PMS1: variants seen among roughly 807,000 people sequenced by gnomAD.
The protein encoded by PMS1 is PMS1 protein homolog 1.
Under a neutral mutation model 93.1 loss-of-function variants are expected in PMS1, and 79 were observed. The observed-to-expected ratio is 0.85, with a 90% CI of 0.71 to 1.02. The LOEUF is 1.02. Among genes scored for constraint, PMS1 ranks in the 50% least tolerant of loss-of-function variants. The pLI is 0.00. For synonymous variants in PMS1, 335 were observed against 363.4 expected (o/e 0.92, Z 0.89); for missense variants, 1,064 against 1,085.3 (o/e 0.98, Z 0.28).
chr2:189,798,756 G>GTTTTTTTTTTTTTTTT (rs2049587934), intron 3 of PMS1, among the ~76,000 whole-genome samples: 2 of 125,236 alleles, frequency 1.6e-5, no homozygotes, highest in African/African-American at 6.2e-5. Context: ...ATAAGTATTT[G>GTTTTTTTTTTTTTTTT]ATTTTTTTTT....
chr2:189,849,512 A>G (rs256576), intron 6 of PMS1, among the ~76,000 whole-genome samples: 11,943 of 152,050 alleles, frequency 0.079, 798 homozygotes, highest in African/African-American at 0.18. Context: ...AGTCCTTTTC[A>G]TATTGCTCTA....
intron 12 of PMS1, 26 bp downstream of exon 12, chr2:189,873,682 A>C (rs529948613): frequency 3.9e-6 from 6 of 1,548,450 alleles, no homozygotes; most frequent in Non-Finnish European, 4.5e-6. Context: ...TATATATGTT[A>C]TTGTATACAG....
chr2:189,807,661 A>C (rs931660274), intron 4 of PMS1, among the ~76,000 whole-genome samples: 3 of 152,228 alleles, frequency 2.0e-5, no homozygotes, highest in Non-Finnish European at 4.4e-5. Context: ...CAATCCTTAG[A>C]TATGGAATCC....
chr2:189,787,412 C>T (rs1054682204), intron 1 of PMS1, among the ~76,000 whole-genome samples: 12 of 152,044 alleles, frequency 7.9e-5, no homozygotes, highest in African/African-American at 1.7e-4. Context: ...TAATTTCCTA[C>T]ATTCAAAAGT....
intron 5 of PMS1, among the ~76,000 whole-genome samples, chr2:189,841,658 C>T (rs567535694): frequency 2.6e-5 from 4 of 151,908 alleles, no homozygotes; most frequent in Non-Finnish European, 5.9e-5. Flanking sequence ...TTAAGGAGTT[C>T]CTTTGGCCAG....
At chr2:189,866,612 G>C (rs2056681412) in intron 10 of PMS1, among the ~76,000 whole-genome samples, 1 of 152,160 alleles carries the variant, frequency 6.6e-6, no homozygotes, top group East Asian at 1.9e-4. Flanking sequence ...TACCTATAAA[G>C]TAAGGGCTCA....
In PMS1 at chr2:189,791,873, G is replaced by C; in HGVS notation, c.64G>C (p.Val22Leu). The change falls in exon 2 of 13, where the codon GTC becomes CTC. Residue 22 changes from valine to leucine, a missense_variant. Transcript: ENST00000441310. ...AAGTTCTCAGATCATCACTTCGGTG[G>C]TCAGTGTTGTAAAAGAGCTTATTGA... is the stretch of plus-strand genomic sequence containing the variant. The part of the protein sequence containing the change: ...LSSSQIITSV[V>L]SVVKELIENS... The C allele has an allele frequency of 6.2e-7, 1 of 1,613,742 alleles. No individual in the cohort carries two copies. Among genetic ancestry groups the C allele is most frequent in the Non-Finnish European group, 8.5e-7 (1 of 1,179,634 alleles).
chr2:189,844,200 G>A, intron 6 of PMS1, 120 bp downstream of exon 6: 1 of 1,514,236 alleles, frequency 6.6e-7, no homozygotes, highest in Non-Finnish European at 8.9e-7. Context: ...TCAAATATGT[G>A]TGTAAGGTAA....
chr2:189,832,995 T>C (rs1390199480), intron 5 of PMS1, among the ~76,000 whole-genome samples: 1 of 152,218 alleles, frequency 6.6e-6, no homozygotes, highest in African/African-American at 2.4e-5. Context: ...CATCTCCCTC[T>C]GCCAGCTTTG....
intron 5 of PMS1, among the ~76,000 whole-genome samples, chr2:189,842,415 A>C (rs529708659): frequency 6.6e-6 from 1 of 152,222 alleles, no homozygotes; most frequent in African/African-American, 2.4e-5. Flanking sequence ...GTTGAATTCT[A>C]CCTGTACTGA....
At chr2:189,830,241 C>T (rs957340401) in intron 5 of PMS1, among the ~76,000 whole-genome samples, 1 of 152,164 alleles carries the variant, frequency 6.6e-6, no homozygotes, top group Non-Finnish European at 1.5e-5. Context: ...AGTTTGCTGA[C>T]CTCCGTAGAT....
In PMS1 at chr2:189,818,020, C is replaced by G. The variant is rs2106326592; in HGVS notation, c.422C>G (p.Thr141Arg). 1 of 1,606,982 alleles carries G rather than the reference C, an allele frequency of 6.2e-7. No individual in the cohort carries two copies. Among genetic ancestry groups the G allele is most frequent in the Non-Finnish European group, 8.5e-7 (1 of 1,174,252 alleles). The stretch of plus-strand genomic sequence containing the variant: ...CTTTTCTCTTGTCTGCCAACAGGTA[C>G]AACTGTAACTGCTTTAAGATTATTT... ...SQKPSHLGQG[T>R]TVTALRLFKN... is the part of the protein sequence containing the mutation. The change falls in exon 5 of 13, where the codon ACA becomes AGA. Residue 141 changes from threonine (T) to arginine (R), a missense_variant. Coordinates refer to ENST00000441310, the MANE Select transcript of PMS1 (RefSeq NM_000534.5).
intron 5 of PMS1, among the ~76,000 whole-genome samples, chr2:189,841,403 T>A (rs929044305): frequency 6.6e-6 from 1 of 152,174 alleles, no homozygotes; most frequent in African/African-American, 2.4e-5. Context: ...TGAGTAGTTG[T>A]TACACTATCT....
chr2:189,795,671 GTAAA>G, intron 2 of PMS1, 94 bp from the exon 3 acceptor site: 1 of 975,880 alleles, frequency 1.0e-6, no homozygotes, highest in Non-Finnish European at 1.6e-6. Context: ...TTCCATAAAA[GTAAA>G]TAAATGTCAA....
Position 189,791,908 on chromosome 2 carries a change from G to A in PMS1, c.99G>A (p.Leu33=), listed in dbSNP as rs1402489302. The A allele has an allele frequency of 1.2e-6, 2 of 1,613,968 alleles. No homozygotes were observed. Among genetic ancestry groups the A allele is most frequent in the Admixed American group, 3.3e-5 (2 of 60,016 alleles). The change falls in exon 2 of 13, where the codon TTG becomes TTA. Residue 33 remains leucine (L), a synonymous_variant. Transcript: ENST00000441310. ...TAAAAGAGCTTATTGAAAACTCCTTGGATGCTGGTGCCACAAGCGTAGATG... is the reference window on the plus strand; with the variant it reads ...TAAAAGAGCTTATTGAAAACTCCTTAGATGCTGGTGCCACAAGCGTAGATG... ...SVVKELIENS[L]DAGATSVDVK...
At chr2:189,786,818 G>A (rs1307590288) in intron 1 of PMS1, among the ~76,000 whole-genome samples, 1 of 152,140 alleles carries the variant, frequency 6.6e-6, no homozygotes, top group Admixed American at 6.5e-5. Flanking sequence ...TTGGGAGGCC[G>A]AGGCGGGCGG....
intron 6 of PMS1, among the ~76,000 whole-genome samples, chr2:189,849,277 A>G (rs2054500309): frequency 1.3e-5 from 2 of 152,026 alleles, no homozygotes; most frequent in Non-Finnish European, 2.9e-5. Context: ...TGAAATTTCC[A>G]TCTCTGCATT....
chr2:189,843,844 TA>T, intron 5 of PMS1, 119 bp from the exon 6 acceptor site: 1 of 831,948 alleles, frequency 1.2e-6, no homozygotes, highest in Non-Finnish European at 2.0e-6. Context: ...GAATCTCTTC[TA>T]AGTGATACTG....
intron 4 of PMS1, among the ~76,000 whole-genome samples, chr2:189,808,063 T>C (rs1250309947): frequency 2.0e-5 from 3 of 152,172 alleles, no homozygotes; most frequent in Non-Finnish European, 4.4e-5. Context: ...TACTCATATT[T>C]CACCAGCTGT....
Sources: allele counts gnomAD v4.1 joint callset (sites outside exome capture counted in the v4.1 genomes callset), GRCh38; gene constraint gnomAD v4.1.1; transcripts MANE v1.5; gene names NCBI Gene and HGNC (gene_info 2026-07-23, HGNC 2026-07-21).